Variants in GALNT1 observed in about 807,000 individuals in gnomAD.
GALNT1 encodes GalNAc transferase 1.
In GALNT1, 17 loss-of-function variants were observed where a neutral mutation model predicts 65.7. The observed-to-expected ratio is 0.26, with a 90% CI of 0.18 to 0.39. The LOEUF (loss-of-function observed/expected upper bound fraction) is 0.39, where lower values mean the gene tolerates loss of function less well. Among genes scored for constraint, GALNT1 ranks in the 10% least tolerant of loss-of-function variants. GALNT1 has a pLI of 1.00. For missense variants in GALNT1, 460 were observed against 672.8 expected (o/e 0.68, Z 3.50); for synonymous variants, 210 against 219.7 (o/e 0.96, Z 0.39).
Position 35,709,824 on chromosome 18 carries a change from A to G in GALNT1, c.*54A>G, listed in dbSNP as rs2048327156. ...TAAGGATTGACTGGGCTACCTCAGC[A>G]TACATTTCTGCCACATTCTTAAGTA... On this transcript the variant is annotated 3_prime_UTR_variant, in exon 12 of 12. Coordinates refer to ENST00000269195, the MANE Select transcript of GALNT1 (RefSeq NM_020474.4). 1.9e-6 allele frequency: 3 copies of G among 1,596,408 alleles called. No individual in the cohort carries two copies. The highest frequency in any genetic ancestry group is 2.3e-5 in the East Asian group (1 of 44,152).
rs1020236409 is a variant in GALNT1 at position 35,698,779 on chromosome 18, C to G, written c.1300-4118C>G. On this transcript the variant is annotated intron_variant, in intron 9 of 11. Transcript: ENST00000269195. Reference sequence around the variant, plus strand: ...GGATCATGACGTCAGGATTTCAAGACCAGCCTGGCCAAGATGGTGAAATCC... The same window carrying G: ...GGATCATGACGTCAGGATTTCAAGAGCAGCCTGGCCAAGATGGTGAAATCC... Among the ~76,000 whole-genome samples the G allele has an allele frequency of 2.6e-5, 4 of 151,992 alleles. No individual in the cohort carries two copies. In the South Asian group the frequency reaches 8.3e-4, roughly 32 times the overall value.
In GALNT1 at chr18:35,689,086, T is replaced by C. The variant is rs2047914461; in HGVS notation, c.861-87T>C. 17 of 844,604 alleles carry C rather than the reference T, an allele frequency of 2.0e-5. No individual in the cohort carries two copies. In the East Asian group the frequency reaches 3.9e-4, roughly 19 times the overall value. The allele number at this position is 844,604 out of a possible 1,614,324, so 52.3% of individuals were successfully genotyped here. On this transcript the variant is annotated intron_variant, in intron 6 of 11. Transcript: ENST00000269195. ...AGAATAAGTACTTACTCAGTAGTTA[T>C]AAATAGTTATGAAACAGCTTTTAAA...
At chr18:35,620,036 T>TG (rs1275951997) in intron 1 of GALNT1, among the ~76,000 whole-genome samples, 1 of 152,200 alleles carries the variant, frequency 6.6e-6, no homozygotes, top group Non-Finnish European at 1.5e-5. Context: ...CAAAGGTCCC[T>TG]GTATTCCCTC....
At chr18:35,631,588 A>G (rs561099769) in intron 1 of GALNT1, among the ~76,000 whole-genome samples, 143 of 152,348 alleles carry the variant, frequency 9.4e-4, no homozygotes, top group South Asian at 5.6e-3. Context: ...TGACAAACCC[A>G]CAGCCAATAT....
intron 1 of GALNT1, among the ~76,000 whole-genome samples, chr18:35,621,782 G>A (rs921642568): frequency 2.0e-5 from 3 of 152,010 alleles, no homozygotes; most frequent in African/African-American, 7.2e-5. Flanking sequence ...TTTTTTGTAT[G>A]GTATGAGGTA....
intron 2 of GALNT1, among the ~76,000 whole-genome samples, chr18:35,662,094 C>T (rs1250456583): frequency 2.0e-5 from 3 of 152,016 alleles, no homozygotes; most frequent in Non-Finnish European, 2.9e-5. Flanking sequence ...AATGACTATA[C>T]GAGTTTAACA....
chr18:35,625,531 T>C (rs750088220), intron 1 of GALNT1, among the ~76,000 whole-genome samples: 1 of 152,226 alleles, frequency 6.6e-6, no homozygotes, highest in Non-Finnish European at 1.5e-5. Flanking sequence ...GATGGTTTCA[T>C]TGAAGTGAAG....
At chr18:35,628,292 A>G (rs1004768181) in intron 1 of GALNT1, among the ~76,000 whole-genome samples, 1 of 152,206 alleles carries the variant, frequency 6.6e-6, no homozygotes, top group African/African-American at 2.4e-5. Flanking sequence ...CTGAACCCCA[A>G]GTAGCCTAAC....
Position 35,711,751 on chromosome 18 carries a change from G to C in GALNT1, c.*1981G>C, listed in dbSNP as rs2048352853. 6.6e-6 allele frequency: 1 copy of C among 152,156 alleles called. No homozygotes were observed. Among genetic ancestry groups the C allele is most frequent in the Non-Finnish European group, 1.5e-5 (1 of 68,026 alleles). 9.4% of individuals were successfully genotyped at this position (152,156 alleles called of 1,614,324 possible). On this transcript the variant is annotated 3_prime_UTR_variant, in exon 12 of 12. Transcript: ENST00000269195. ...GTGATTTAATTCATGGGTACTTTTA[G>C]AACCTGATAGATAATCCCATTGCCT... is the stretch of plus-strand genomic sequence containing the variant.
intron 1 of GALNT1, among the ~76,000 whole-genome samples, chr18:35,639,016 C>G (rs1042789286): frequency 5.9e-5 from 9 of 152,132 alleles, no homozygotes; most frequent in African/African-American, 1.4e-4. Context: ...AGACTCTGCT[C>G]CTTGTGAGGA....
intron 1 of GALNT1, among the ~76,000 whole-genome samples, chr18:35,584,465 C>CCTTT (rs2046357656): frequency 6.6e-6 from 1 of 152,038 alleles, no homozygotes; most frequent in Non-Finnish European, 1.5e-5. Flanking sequence ...GGCAGTTAGG[C>CCTTT]AAAGAGGGAC....
intron 1 of GALNT1, among the ~76,000 whole-genome samples, chr18:35,600,740 T>A (rs1250351521): frequency 6.6e-6 from 1 of 152,158 alleles, no homozygotes; most frequent in Non-Finnish European, 1.5e-5. Context: ...GTGTCAAGTT[T>A]ATTGACTTGC....
At chr18:35,649,277 T>C (rs1281373903) in intron 1 of GALNT1, among the ~76,000 whole-genome samples, 1 of 152,220 alleles carries the variant, frequency 6.6e-6, no homozygotes, top group Admixed American at 6.5e-5. Flanking sequence ...GGTGTTTCAT[T>C]GTGGTTTTAA....
At chr18:35,708,697 A>G (rs1039054472) in intron 11 of GALNT1, among the ~76,000 whole-genome samples, 2 of 152,012 alleles carry the variant, frequency 1.3e-5, no homozygotes, top group African/African-American at 4.8e-5. Flanking sequence ...GGTGTGGATC[A>G]TTGTTAACTA....
At chr18:35,621,790 G>A (rs1288476754) in intron 1 of GALNT1, among the ~76,000 whole-genome samples, 1 of 152,086 alleles carries the variant, frequency 6.6e-6, no homozygotes, top group East Asian at 1.9e-4. Context: ...ATGGTATGAG[G>A]TAGGAATTTT....
intron 1 of GALNT1, among the ~76,000 whole-genome samples, chr18:35,637,202 CT>C (rs1301681172): frequency 6.6e-6 from 1 of 152,132 alleles, no homozygotes; most frequent in Non-Finnish European, 1.5e-5. Flanking sequence ...CTACAGTGGC[CT>C]CTAAGCATTC....
chr18:35,667,102 G>A (rs945421573), intron 3 of GALNT1, among the ~76,000 whole-genome samples: 10 of 152,098 alleles, frequency 6.6e-5, no homozygotes, highest in South Asian at 2.1e-4. Context: ...TGAGATGTCC[G>A]TCAACAATCT....
intron 3 of GALNT1, chr18:35,664,235 CCTT>C (rs1251164118): frequency 6.3e-6 from 1 of 157,542 alleles, no homozygotes; most frequent in Non-Finnish European, 1.4e-5. Flanking sequence ...CTGAAAGTCT[CCTT>C]ATGTTTTTTG....
At chr18:35,659,263 C>T (rs918163322) in intron 2 of GALNT1, among the ~76,000 whole-genome samples, 10 of 152,136 alleles carry the variant, frequency 6.6e-5, no homozygotes, top group African/African-American at 2.2e-4. Context: ...TGTGATAATG[C>T]TGAAGACTTC....
Sources: allele counts gnomAD v4.1 joint callset (sites outside exome capture counted in the v4.1 genomes callset), GRCh38; gene constraint gnomAD v4.1.1; transcripts MANE v1.5; gene names NCBI Gene and HGNC (gene_info 2026-07-23, HGNC 2026-07-21).